Variants in PHC3 observed in about 807,000 individuals in gnomAD.
PHC3 encodes the protein polyhomeotic homolog 3.
A neutral mutation model predicts 107.4 loss-of-function variants in PHC3; 13 were observed. The ratio of observed to expected loss-of-function variants is 0.12; its 90% CI spans 0.08 to 0.19. PHC3 has a LOEUF of 0.19. Among genes scored for constraint, PHC3 ranks in the 10% least tolerant of loss-of-function variants. The pLI, the probability that PHC3 is intolerant of heterozygous loss-of-function variation, is 1.00. For missense variants in PHC3, 992 were observed against 1,210.9 expected, an observed-to-expected ratio of 0.82 and a Z score of 2.68; for synonymous variants, 456 against 427.4, an observed-to-expected ratio of 1.07 and a Z score of -0.83.
chr3:170,171,544 C>A, intron 3 of PHC3, 94 bp from the exon 4 acceptor site: 1 of 827,108 alleles, frequency 1.2e-6, no homozygotes, highest in Non-Finnish European at 1.9e-6. Flanking sequence ...CAATAAATGT[C>A]AAAAGGCCTA....
chr3:170,097,001 AATGTTTC>A lies in PHC3; in HGVS notation c.*222_*228del. ...CATGGCCCTCTGTAACAAGTCTTTC[AATGTTTC>A]ATGTAACCTGTAAAATTAATTTTAC... On this transcript the variant is annotated 3_prime_UTR_variant, in exon 15 of 15. Transcript: ENST00000495893. This position sits in a 1 kb window ranked among gnomAD's most constrained non-coding sequence, Gnocchi z 4.1. The A allele has an allele frequency of 2.7e-6, 1 of 365,978 alleles. No individual in the cohort carries two copies. Among genetic ancestry groups the A allele is most frequent in the Non-Finnish European group, 4.8e-6 (1 of 207,040 alleles). The allele number at this position is 365,978 out of a possible 1,614,324, so 22.7% of individuals were successfully genotyped here. A position where few individuals can be genotyped will look rare whatever the true frequency, so the allele number is the denominator to read the frequency against.
At chr3:170,166,305 A>G (rs1276632242) in intron 4 of PHC3, among the ~76,000 whole-genome samples, 1 of 152,136 alleles carries the variant, frequency 6.6e-6, no homozygotes, top group African/African-American at 2.4e-5. Flanking sequence ...CAGCCTCCCA[A>G]AATGCTGGGA....
At chr3:170,171,118 CA>C in intron 4 of PHC3, 1 of 499,066 alleles carries the variant, frequency 2.0e-6, no homozygotes. Flanking sequence ...GCTGAAACCA[CA>C]TAAGATCTGA....
Position 170,095,012 on chromosome 3 carries a change from T to A in PHC3, c.*2218A>T, listed in dbSNP as rs1446830405. Reference sequence around the variant, plus strand: ...AGCAGTCTATCCCCATATAATAAATTTTGTATTAACCGTGGATAATCTATG... The same window carrying A: ...AGCAGTCTATCCCCATATAATAAATATTGTATTAACCGTGGATAATCTATG... On this transcript the variant is annotated 3_prime_UTR_variant, in exon 15 of 15. Coordinates refer to ENST00000495893, the MANE Select transcript of PHC3 (RefSeq NM_024947.4). 1 of 152,150 alleles carries A rather than the reference T, an allele frequency of 6.6e-6. No homozygotes were observed. Among genetic ancestry groups the A allele is most frequent in the African/African-American group, 2.4e-5 (1 of 41,426 alleles). The allele number at this position is 152,150 out of a possible 1,614,324, so 9.4% of individuals were successfully genotyped here. A position where few individuals can be genotyped will look rare whatever the true frequency, so the allele number is the denominator to read the frequency against.
chr3:170,096,081 T>C lies in PHC3; in HGVS notation c.*1149A>G, dbSNP rs1714606316. ...TAGGTATAATCATATTATGTCTTCG[T>C]CAGTGCAGAGGAGCACAGAGGTATG... On this transcript the variant is annotated 3_prime_UTR_variant, in exon 15 of 15. Transcript: ENST00000495893. The C allele has an allele frequency of 6.6e-6, 1 of 152,198 alleles. No individual in the cohort carries two copies. Among genetic ancestry groups the C allele is most frequent in the Admixed American group, 6.6e-5 (1 of 15,264 alleles). 9.4% of individuals were successfully genotyped at this position (152,198 alleles called of 1,614,324 possible). A position where few individuals can be genotyped will look rare whatever the true frequency, so the allele number is the denominator to read the frequency against.
chr3:170,175,634 A>G (rs1458360645), intron 2 of PHC3, among the ~76,000 whole-genome samples: 1 of 151,168 alleles, frequency 6.6e-6, no homozygotes, highest in Admixed American at 6.6e-5. Context: ...AAAAAAAAAA[A>G]AAGGGGGGGG....
At chr3:170,167,753 T>G (rs1287285715) in intron 4 of PHC3, among the ~76,000 whole-genome samples, 1 of 121,178 alleles carries the variant, frequency 8.3e-6, no homozygotes, top group Non-Finnish European at 1.7e-5. Flanking sequence ...GAGCAAGGCT[T>G]CATCTCAAAA....
At chr3:170,145,636 A>C (rs1724811999) in intron 5 of PHC3, 115 bp from the exon 6 acceptor site, 1 of 579,622 alleles carries the variant, frequency 1.7e-6, no homozygotes, top group Admixed American at 3.5e-5. Flanking sequence ...GCAGTTTAGG[A>C]TTATCTCCTC....
chr3:170,115,961 C>T (rs954649220), intron 10 of PHC3, among the ~76,000 whole-genome samples: 4 of 151,990 alleles, frequency 2.6e-5, no homozygotes, highest in Admixed American at 6.6e-5. Flanking sequence ...GCAAGATTTT[C>T]ACCCATGAAT....
chr3:170,155,827 T>C (rs1330867222), intron 4 of PHC3, among the ~76,000 whole-genome samples: 1 of 152,116 alleles, frequency 6.6e-6, no homozygotes, highest in Non-Finnish European at 1.5e-5. Flanking sequence ...CACACACCCA[T>C]GCACCACTAC....
rs1714713208 is a variant in PHC3, at chr3:170,096,976, C to T, written c.*254G>A. ...TATAACACATTTCTTTGAAAAATAT[C>T]ATGGCCCTCTGTAACAAGTCTTTCA... On this transcript the variant is annotated 3_prime_UTR_variant, in exon 15 of 15. Coordinates refer to ENST00000495893, the MANE Select transcript of PHC3 (RefSeq NM_024947.4). 3 of 313,042 alleles carry T rather than the reference C, an allele frequency of 9.6e-6. No homozygotes were observed. The highest frequency in any genetic ancestry group is 9.6e-5 in the Admixed American group (2 of 20,736). 19.4% of individuals were successfully genotyped at this position (313,042 alleles called of 1,614,324 possible).
intron 14 of PHC3, among the ~76,000 whole-genome samples, chr3:170,098,647 TGTAAGA>T (rs2108253027): frequency 6.6e-6 from 1 of 152,320 alleles, no homozygotes; most frequent in South Asian, 2.1e-4. Context: ...AAGAGCTATC[TGTAAGA>T]GTAATACAAA....
chr3:170,098,726 C>T (rs1268169038), intron 14 of PHC3, among the ~76,000 whole-genome samples: 1 of 151,912 alleles, frequency 6.6e-6, no homozygotes, highest in African/African-American at 2.4e-5. Context: ...TTCTCACGTC[C>T]TCTGTTACTT....
chr3:170,147,334 T>G (rs1484415411), intron 5 of PHC3: 1 of 151,678 alleles, frequency 6.6e-6, no homozygotes, highest in East Asian at 1.9e-4. Flanking sequence ...TTCAACCAAA[T>G]GCGGATCCAA....
At chr3:170,103,028 A>G in intron 12 of PHC3, 94 bp from the exon 13 acceptor site, 1 of 1,187,392 alleles carries the variant, frequency 8.4e-7, no homozygotes, top group East Asian at 2.6e-5. Context: ...GTGAATCAGT[A>G]AGTACCACAA....
intron 1 of PHC3, among the ~76,000 whole-genome samples, chr3:170,180,830 G>T (rs1195642431): frequency 6.6e-6 from 1 of 152,116 alleles, no homozygotes; most frequent in African/African-American, 2.4e-5. Context: ...TGGTCACAGA[G>T]AATCCAAATT....
chr3:170,117,063 A>C (rs912568299), intron 10 of PHC3, 163 bp downstream of exon 10: 2 of 914,816 alleles, frequency 2.2e-6, no homozygotes, highest in African/African-American at 3.3e-5. Flanking sequence ...AATTCTACAT[A>C]AACATTTGGA....
chr3:170,119,036 T>TAAAAAAAAAAAAAAAAAAAA (rs1002478959), intron 9 of PHC3, among the ~76,000 whole-genome samples: 7 of 72,642 alleles, frequency 9.6e-5, no homozygotes, highest in East Asian at 7.0e-4. Context: ...TATAAAAAGC[T>TAAAAAAAAAAAAAAAAAAAA]AAAAAAAAAA....
Position 170,165,583 on chromosome 3 carries a change from G to A in PHC3, c.414+5790C>T, listed in dbSNP as rs145158807. Among the ~76,000 whole-genome samples, 224 of 151,382 alleles carry A rather than the reference G, an allele frequency of 1.5e-3. 3 individuals carry two copies. In the East Asian group the frequency reaches 0.035, roughly 24 times the overall value. On this transcript the variant is annotated intron_variant, in intron 4 of 14. Transcript: ENST00000495893. ...GCCTGGCCAAAATGGGAGAAACCCC[G>A]TCTCTACTAAAAATACAAAAATTAG...
Sources: allele counts gnomAD v4.1 joint callset (sites outside exome capture counted in the v4.1 genomes callset), GRCh38; gene constraint gnomAD v4.1.1; non-coding constraint Gnocchi (gnomAD v3.1); transcripts MANE v1.5; gene names NCBI Gene and HGNC (gene_info 2026-07-23, HGNC 2026-07-21).